Variants in INTS12 observed in about 807,000 individuals in gnomAD.
INTS12 encodes integrator complex subunit 12.
A neutral mutation model predicts 41.6 loss-of-function variants in INTS12; 13 were observed. The observed-to-expected ratio is 0.31, with a 90% CI of 0.20 to 0.50. The LOEUF (loss-of-function observed/expected upper bound fraction) is 0.50. Among genes scored for constraint, INTS12 ranks in the 20% least tolerant of loss-of-function variants. The probability of loss-of-function intolerance (pLI) is 0.98; values close to 1 mark genes in which losing one functional copy is unlikely to be tolerated. For missense variants in INTS12, 432 were observed against 541.6 expected, an observed-to-expected ratio of 0.80 and a Z score of 2.01; for synonymous variants, 199 against 191.4, an observed-to-expected ratio of 1.04 and a Z score of -0.33.
chr4:105,696,404 G>C (rs1357310961), intron 3 of INTS12, among the ~76,000 whole-genome samples: 2 of 151,998 alleles, frequency 1.3e-5, no homozygotes, highest in Non-Finnish European at 2.9e-5. Flanking sequence ...TCACTTATCT[G>C]TTTTCTGTAA....
chr4:105,699,090 G>A (rs923932319), intron 3 of INTS12, among the ~76,000 whole-genome samples: 1 of 152,154 alleles, frequency 6.6e-6, no homozygotes, highest in African/African-American at 2.4e-5. Context: ...ACTCTGCAAA[G>A]TAGTTCTTAT....
At chr4:105,689,733 T>C (rs1449386768) in intron 6 of INTS12, among the ~76,000 whole-genome samples, 1 of 151,744 alleles carries the variant, frequency 6.6e-6, no homozygotes, top group Non-Finnish European at 1.5e-5. Context: ...CAAGACTCCA[T>C]CTCTACAAAA....
At chr4:105,689,649 T>C (rs1731616509) in intron 6 of INTS12, among the ~76,000 whole-genome samples, 1 of 152,134 alleles carries the variant, frequency 6.6e-6, no homozygotes, top group Admixed American at 6.5e-5. Context: ...ATGCCTATAA[T>C]CCCAGCACTT....
intron 6 of INTS12, among the ~76,000 whole-genome samples, chr4:105,689,702 A>G (rs560650766): frequency 1.3e-5 from 2 of 152,122 alleles, no homozygotes; most frequent in Non-Finnish European, 2.9e-5. Context: ...CAGGAGTTCG[A>G]GACCAGCCCT....
At chr4:105,702,130 CTT>C (rs950826694) in intron 2 of INTS12, among the ~76,000 whole-genome samples, 1 of 109,506 alleles carries the variant, frequency 9.1e-6, no homozygotes, top group Non-Finnish European at 1.8e-5. Context: ...ATTTCTATTT[CTT>C]TTTTTTTTTT....
At chr4:105,695,783 G>A in intron 3 of INTS12, 115 bp from the exon 4 acceptor site, 2 of 784,950 alleles carry the variant, frequency 2.5e-6, no homozygotes, top group Non-Finnish European at 4.1e-6. Context: ...TATAACCAAT[G>A]TAATATTCCT....
At chr4:105,690,180 A>C (rs1438439039) in intron 6 of INTS12, among the ~76,000 whole-genome samples, 1 of 152,180 alleles carries the variant, frequency 6.6e-6, no homozygotes, top group Non-Finnish European at 1.5e-5. Flanking sequence ...AGAGTGTATG[A>C]ATGTGTATGC....
At chr4:105,687,150 T>A (rs1224473763) in intron 6 of INTS12, 1 of 295,204 alleles carries the variant, frequency 3.4e-6, no homozygotes, top group Non-Finnish European at 6.4e-6. Flanking sequence ...ATGTAACCGT[T>A]AGCTTTACTC....
Position 105,686,679 on chromosome 4 carries a change from G to T in INTS12, c.804+13C>A, listed in dbSNP as rs781029500. The T allele has an allele frequency of 6.4e-7, 1 of 1,565,810 alleles. No individual in the cohort carries two copies. Among genetic ancestry groups the T allele is most frequent in the Non-Finnish European group, 8.6e-7 (1 of 1,157,310 alleles). On this transcript the variant is annotated intron_variant, in intron 7 of 7. Transcript: ENST00000340139. ...TAAGATATAATCTTAGATAAAAATAGAATCTACTATACCTTGACTTCTGTT... is the reference window on the plus strand; with the variant it reads ...TAAGATATAATCTTAGATAAAAATATAATCTACTATACCTTGACTTCTGTT...
chr4:105,708,678 C>T lies in INTS12; in HGVS notation c.-212G>A. Reference sequence around the variant, plus strand: ...TGCCGATCCGTCTGTTCCCGGTGGTCCCTTCGGAAACGGTTCCCGCACTGG... The same window carrying T: ...TGCCGATCCGTCTGTTCCCGGTGGTTCCTTCGGAAACGGTTCCCGCACTGG... On this transcript the variant is annotated 5_prime_UTR_variant, in exon 1 of 8. Transcript: ENST00000340139. The T allele has an allele frequency of 1.1e-6, 1 of 898,432 alleles. No individual in the cohort carries two copies. The highest frequency in any genetic ancestry group is 1.3e-6 in the Non-Finnish European group (1 of 750,628). 55.7% of individuals were successfully genotyped at this position (898,432 alleles called of 1,614,324 possible).
rs1055503561 is a variant in INTS12 at position 105,703,644 on chromosome 4, A to T, written c.-10+4T>A. On this transcript the variant is annotated splice_donor_region_variant and intron_variant, in intron 2 of 7. Transcript: ENST00000340139. ...CTAAGTGCAACTGGGAGGAATATAC[A>T]TACATTCTATCTTCAGAATCACCAT... 1 of 152,224 alleles carries T rather than the reference A, an allele frequency of 6.6e-6. No individual in the cohort carries two copies. The highest frequency in any genetic ancestry group is 2.4e-5 in the African/African-American group (1 of 41,450). The allele number at this position is 152,224 out of a possible 1,614,324, so 9.4% of individuals were successfully genotyped here. A position where few individuals can be genotyped will look rare whatever the true frequency, so the allele number is the denominator to read the frequency against.
intron 3 of INTS12, among the ~76,000 whole-genome samples, chr4:105,698,699 AG>A (rs1401488617): frequency 6.6e-6 from 1 of 152,364 alleles, no homozygotes; most frequent in African/African-American, 2.4e-5. Context: ...AATGGATAGA[AG>A]AAATGAAGTC....
intron 4 of INTS12, 73 bp from the exon 5 acceptor site, chr4:105,693,559 G>T: frequency 1.6e-6 from 2 of 1,280,046 alleles, no homozygotes; most frequent in South Asian, 1.4e-5. Context: ...AAAGACGAGT[G>T]AGAAGGACAA....
At chr4:105,691,548 A>G (rs1157806148) in intron 6 of INTS12, among the ~76,000 whole-genome samples, 2 of 152,224 alleles carry the variant, frequency 1.3e-5, no homozygotes, top group Admixed American at 6.5e-5. Context: ...ACATATAAAT[A>G]TCGCCTCTGT....
At chr4:105,694,637 A>G (rs1344042463) in intron 4 of INTS12, among the ~76,000 whole-genome samples, 1 of 151,992 alleles carries the variant, frequency 6.6e-6, no homozygotes, top group East Asian at 1.9e-4. Context: ...AGCTTCACTT[A>G]TGTAGATCTA....
intron 7 of INTS12, among the ~76,000 whole-genome samples, chr4:105,685,250 AAT>A (rs1731462576): frequency 6.6e-6 from 1 of 152,100 alleles, no homozygotes; most frequent in Non-Finnish European, 1.5e-5. Context: ...AATCAAAACA[AAT>A]ATGACAGCAG....
At chr4:105,696,977 A>G (rs777067025) in intron 3 of INTS12, among the ~76,000 whole-genome samples, 28 of 152,240 alleles carry the variant, frequency 1.8e-4, no homozygotes, top group Admixed American at 9.8e-4. Context: ...AAGTGTTCAT[A>G]TGGCATACAT....
At chr4:105,707,972 A>G in intron 1 of INTS12, 2 of 985,464 alleles carry the variant, frequency 2.0e-6, no homozygotes, top group South Asian at 4.7e-5. Context: ...CCCCAGATGA[A>G]GGAAACAGAA....
chr4:105,708,434 G>A, intron 1 of INTS12: 1 of 985,416 alleles, frequency 1.0e-6, no homozygotes, highest in Non-Finnish European at 1.2e-6. Flanking sequence ...CGCATGTCCC[G>A]GCCCGCAACT....
Sources: allele counts gnomAD v4.1 joint callset (sites outside exome capture counted in the v4.1 genomes callset), GRCh38; gene constraint gnomAD v4.1.1; transcripts MANE v1.5; gene names NCBI Gene and HGNC (gene_info 2026-07-23, HGNC 2026-07-21).